MSR1: variants seen among roughly 807,000 people sequenced by gnomAD.
The protein encoded by MSR1 is macrophage scavenger receptor 1.
A neutral mutation model predicts 47.2 loss-of-function variants in MSR1; 53 were observed. The ratio of observed to expected loss-of-function variants is 1.12; its 90% confidence interval spans 0.90 to 1.41. MSR1 has a LOEUF of 1.41. MSR1 is among the 40% of genes most tolerant of loss of function. The pLI is 0.00. For missense variants in MSR1, 786 were observed against 546.9 expected, an observed-to-expected ratio of 1.44 and a Z score of -4.36; for synonymous variants, 239 against 185.6, an observed-to-expected ratio of 1.29 and a Z score of -2.34.
intron 8 of MSR1, among the ~76,000 whole-genome samples, chr8:16,137,231 G>A (rs1194565201): frequency 6.6e-6 from 1 of 152,102 alleles, no homozygotes; most frequent in African/African-American, 2.4e-5. Context: ...CTATGTTTCT[G>A]AGTAATATCC....
chr8:16,160,968 A>C (rs1801143350), intron 5 of MSR1, among the ~76,000 whole-genome samples: 1 of 151,776 alleles, frequency 6.6e-6, no homozygotes, highest in Non-Finnish European at 1.5e-5. Flanking sequence ...GAGAGAAAAG[A>C]CACATCTAGT....
chr8:16,128,263 C>T (rs1470128472), intron 8 of MSR1, among the ~76,000 whole-genome samples: 2 of 152,030 alleles, frequency 1.3e-5, no homozygotes, highest in African/African-American at 4.8e-5. Flanking sequence ...TTGTGTCGCT[C>T]CAATATTCGT....
chr8:16,164,144 T>G lies in MSR1; in HGVS notation c.738A>C (p.Val246=). The G allele has an allele frequency of 6.2e-7, 1 of 1,612,118 alleles. No individual in the cohort carries two copies. Among genetic ancestry groups the G allele is most frequent in the Non-Finnish European group, 8.5e-7 (1 of 1,178,680 alleles). ...LEQEIKGEVK[V]LNNITNDLRL... ...TGAGATCATTAGTGATGTTATTCAGTACTTTCACTTCTCCTTTTATTTCCT... is the reference window on the plus strand; with the variant it reads ...TGAGATCATTAGTGATGTTATTCAGGACTTTCACTTCTCCTTTTATTTCCT... The change falls in exon 5 of 10, where the codon GTA becomes GTC. Residue 246 remains valine, a synonymous_variant. Coordinates refer to ENST00000262101, the MANE Select transcript of MSR1 (RefSeq NM_138715.3).
intron 8 of MSR1, among the ~76,000 whole-genome samples, chr8:16,129,308 G>A (rs1585143201): frequency 6.6e-6 from 1 of 152,048 alleles, no homozygotes; most frequent in Non-Finnish European, 1.5e-5. Context: ...GATTAAGCAG[G>A]ATATGAGTAA....
intron 8 of MSR1, among the ~76,000 whole-genome samples, chr8:16,138,971 G>A (rs555283177): frequency 6.6e-6 from 1 of 152,128 alleles, no homozygotes; most frequent in African/African-American, 2.4e-5. Context: ...GTTCTTCAGA[G>A]ACTGGACTCT....
At position 16,187,224 on chromosome 8, in the gene MSR1, G is replaced by A. The variant is rs561322845; in HGVS notation, c.-5+5374C>T. On this transcript the variant is annotated intron_variant, in intron 1 of 9. Transcript: ENST00000262101. ...TAAAAATACAAAAAATTAGCTGAGT[G>A]TGGTGGCGGGTACCTCTAATCCCAG... 2.6e-5 allele frequency among the ~76,000 whole-genome samples: 4 copies of A among 151,612 alleles called. No individual in the cohort carries two copies. The East Asian group carries it at 7.8e-4, about 30-fold the overall frequency.
rs148095206 is a variant in MSR1 at position 16,166,314 on chromosome 8, C to T, written c.631-2063G>A. 2.0e-3 allele frequency among the ~76,000 whole-genome samples: 286 copies of T among 144,738 alleles called. 2 individuals are homozygous for T. The highest frequency in any genetic ancestry group is 3.6e-3 in the Middle Eastern group (1 of 276). 95.0% of individuals were successfully genotyped at this position (144,738 alleles called of 152,430 possible). ...CTGGGATTACAGGTGCACACTACCACACCTGACTAATTTTTTTTTTTTTAA... is the reference window on the plus strand; with the variant it reads ...CTGGGATTACAGGTGCACACTACCATACCTGACTAATTTTTTTTTTTTTAA... On this transcript the variant is annotated intron_variant, in intron 4 of 9. Transcript: ENST00000262101.
rs1801421635 is a variant in MSR1 at position 16,169,544 on chromosome 8, T to C, written c.218-674A>G. Among the ~76,000 whole-genome samples, 3 of 152,218 alleles carry C rather than the reference T, an allele frequency of 2.0e-5. No homozygotes were observed. The South Asian group carries it at 6.2e-4, about 32-fold the overall frequency. On this transcript the variant is annotated intron_variant, in intron 3 of 9. Coordinates refer to ENST00000262101, the MANE Select transcript of MSR1 (RefSeq NM_138715.3). ...AAATATATATTCACAGCAGAAAATT[T>C]AGAAAATATACATAATATGGAAAAA...
intron 4 of MSR1, among the ~76,000 whole-genome samples, chr8:16,166,591 C>G (rs1801318115): frequency 6.6e-6 from 1 of 152,014 alleles, no homozygotes; most frequent in South Asian, 2.1e-4. Flanking sequence ...TATATAGCAT[C>G]CACACACTCC....
At position 16,143,593 on chromosome 8, in the gene MSR1, C is replaced by A. The variant is rs1237362543; in HGVS notation, c.998G>T (p.Gly333Val). 3 of 1,612,318 alleles carry A rather than the reference C, an allele frequency of 1.9e-6. No individual in the cohort carries two copies. The highest frequency in any genetic ancestry group is 2.5e-6 in the Non-Finnish European group (3 of 1,178,926). The change falls in exon 8 of 10, where the codon GGC becomes GTC. Residue 333 changes from glycine to valine, a missense_variant. By Grantham distance (109) the Gly-to-Val change is moderately radical (BLOSUM62 -3). Transcript: ENST00000262101. ...AGRPGNSGPK[G>V]QKGEKGSGNT... ...TCCACTCCCCTTTTCCCCTTTCTGG[C>A]CTTTTGGTCCAGAATTTCCTTGAGA...
rs551294284 is a variant in MSR1, at chr8:16,147,545, A to G, written c.979+2686T>C. ...CAATGTAAAGTATCAAAGAGTGTTT[A>G]TATCACAAATTGGGGTCTTAGCTCT... On this transcript the variant is annotated intron_variant, in intron 7 of 9. Coordinates refer to ENST00000262101, the MANE Select transcript of MSR1 (RefSeq NM_138715.3). Among the ~76,000 whole-genome samples the G allele has an allele frequency of 2.6e-5, 4 of 152,324 alleles. No homozygotes were observed. The South Asian group carries it at 8.3e-4, about 32-fold the overall frequency.
intron 5 of MSR1, among the ~76,000 whole-genome samples, chr8:16,160,224 A>G: frequency 6.6e-6 from 1 of 152,032 alleles, no homozygotes; most frequent in Non-Finnish European, 1.5e-5. Context: ...GCAAAGAGTC[A>G]TAAGAATAAT....
At chr8:16,181,702 G>A (rs1161580809) in intron 1 of MSR1, among the ~76,000 whole-genome samples, 3 of 151,788 alleles carry the variant, frequency 2.0e-5, no homozygotes, top group Non-Finnish European at 4.4e-5. Flanking sequence ...TAATGTAAAT[G>A]ATGGGTTGAT....
chr8:16,121,175 T>C (rs775927154), intron 8 of MSR1: 1 of 426,370 alleles, frequency 2.3e-6, no homozygotes, highest in Non-Finnish European at 4.7e-6. Flanking sequence ...GTGAGGTTCC[T>C]GGATTCTGTA....
intron 9 of MSR1, among the ~76,000 whole-genome samples, chr8:16,119,586 G>A (rs921617029): frequency 5.3e-5 from 8 of 152,102 alleles, no homozygotes; most frequent in South Asian, 2.1e-4. Context: ...TATTATTAAC[G>A]CTATGCAGGT....
intron 7 of MSR1, among the ~76,000 whole-genome samples, chr8:16,144,297 T>A (rs1563150602): frequency 6.6e-6 from 1 of 152,134 alleles, no homozygotes; most frequent in East Asian, 1.9e-4. Context: ...GTGCAGGAGA[T>A]CTTTCTTTAG....
At chr8:16,146,597 T>C (rs1050454078) in intron 7 of MSR1, among the ~76,000 whole-genome samples, 22 of 152,116 alleles carry the variant, frequency 1.4e-4, no homozygotes, top group African/African-American at 5.3e-4. Context: ...TTTTGTAGAC[T>C]TCACCTTACT....
intron 7 of MSR1, among the ~76,000 whole-genome samples, chr8:16,149,037 A>C (rs1800774827): frequency 6.6e-6 from 1 of 152,140 alleles, no homozygotes; most frequent in African/African-American, 2.4e-5. Flanking sequence ...GTGGGGAGGA[A>C]TAGAGTTGGT....
chr8:16,180,390 T>G (rs1801793792), intron 1 of MSR1, among the ~76,000 whole-genome samples: 1 of 152,102 alleles, frequency 6.6e-6, no homozygotes, highest in South Asian at 2.1e-4. Context: ...TTTCTGATAT[T>G]TGGGGTGGGG....
Sources: gnomAD v4.1 joint callset for allele counts (sites outside exome capture counted in the v4.1 genomes callset) on GRCh38, gnomAD v4.1.1 for gene constraint, MANE v1.5 for transcripts, NCBI Gene and HGNC (gene_info 2026-07-23, HGNC 2026-07-21) for gene names.